R3HDM2: variants seen among roughly 807,000 people sequenced by gnomAD.
R3HDM2 encodes the protein R3H domain-containing protein 2.
A neutral mutation model predicts 124.5 loss-of-function variants in R3HDM2; 38 were observed. The ratio of observed to expected loss-of-function variants is 0.31; its 90% CI spans 0.24 to 0.40. R3HDM2 has a LOEUF of 0.40. Among genes scored for constraint, R3HDM2 ranks in the 10% least tolerant of loss-of-function variants. The probability of loss-of-function intolerance (pLI) is 1.00; values close to 1 mark genes in which losing one functional copy is unlikely to be tolerated. For missense variants in R3HDM2, 869 were observed against 1,236.9 expected (o/e 0.70, Z 4.46); for synonymous variants, 391 against 448.0 (o/e 0.87, Z 1.61).
intron 2 of R3HDM2, among the ~76,000 whole-genome samples, chr12:57,313,587 T>A (rs1258986794): frequency 6.7e-6 from 1 of 148,566 alleles, no homozygotes; most frequent in Non-Finnish European, 1.5e-5. Context: ...ATAATAATAA[T>A]AAATAAATTA....
At chr12:57,348,693 C>CAAAAAAAAAAAAAAAAA (rs1168127324) in intron 2 of R3HDM2, among the ~76,000 whole-genome samples, 4 of 25,146 alleles carry the variant, frequency 1.6e-4, no homozygotes, top group African/African-American at 6.6e-4. Flanking sequence ...GACTCCGTCT[C>CAAAAAAAAAAAAAAAAA]AAAAAAAAAA....
At chr12:57,329,151 G>A (rs1188633867) in intron 2 of R3HDM2, among the ~76,000 whole-genome samples, 1 of 152,106 alleles carries the variant, frequency 6.6e-6, no homozygotes, top group Admixed American at 6.6e-5. Flanking sequence ...GGTAAAATAA[G>A]GGAGAGTTGC....
intron 2 of R3HDM2, among the ~76,000 whole-genome samples, chr12:57,320,296 AC>A (rs2056198578): frequency 6.7e-6 from 1 of 149,006 alleles, no homozygotes; most frequent in East Asian, 2.0e-4. Context: ...AAAGCCTTAA[AC>A]AGCTAAAATA....
chr12:57,340,756 C>T (rs1472805341), intron 2 of R3HDM2, among the ~76,000 whole-genome samples: 1 of 152,150 alleles, frequency 6.6e-6, no homozygotes, highest in Non-Finnish European at 1.5e-5. Flanking sequence ...TACCTAAACA[C>T]ACATTGACAG....
chr12:57,365,275 A>ATT (rs2062505840), intron 2 of R3HDM2, among the ~76,000 whole-genome samples: 1 of 147,674 alleles, frequency 6.8e-6, no homozygotes, highest in Admixed American at 6.7e-5. Flanking sequence ...AAAAAAAAAG[A>ATT]AAAAAAAAAA....
intron 2 of R3HDM2, among the ~76,000 whole-genome samples, chr12:57,386,324 G>A (rs1296023287): frequency 2.6e-5 from 4 of 152,226 alleles, no homozygotes; most frequent in Non-Finnish European, 4.4e-5. Context: ...AGAGGCACGG[G>A]CGGGAACCGA....
chr12:57,312,605 T>G lies in R3HDM2; in HGVS notation c.-35-2142A>C, dbSNP rs563139576. Reference sequence around the variant, plus strand: ...ATAGTTGACGGCCAGGCACAGTGGCTCATACCTGCAATCCCAACACTTTGG... The same window carrying G: ...ATAGTTGACGGCCAGGCACAGTGGCGCATACCTGCAATCCCAACACTTTGG... On this transcript the variant is annotated intron_variant, in intron 2 of 23. Transcript: ENST00000402412. 3.3e-5 allele frequency among the ~76,000 whole-genome samples: 5 copies of G among 152,216 alleles called. No individual in the cohort carries two copies. In the South Asian group the frequency reaches 1.0e-3, roughly 32 times the overall value.
chr12:57,332,957 T>A (rs999152364), intron 2 of R3HDM2, among the ~76,000 whole-genome samples: 1 of 152,206 alleles, frequency 6.6e-6, no homozygotes, highest in Non-Finnish European at 1.5e-5. Flanking sequence ...ATGAGAACAC[T>A]GGGAGAGCAA....
intron 2 of R3HDM2, among the ~76,000 whole-genome samples, chr12:57,386,929 C>G (rs2138546156): frequency 6.6e-6 from 1 of 151,976 alleles, no homozygotes; most frequent in East Asian, 1.9e-4. Context: ...TTATGTCTAG[C>G]TAAGGAGTTG....
chr12:57,272,670 A>G, intron 14 of R3HDM2: 1 of 563,764 alleles, frequency 1.8e-6, no homozygotes, highest in Non-Finnish European at 3.0e-6. Context: ...AAGGAACAAT[A>G]AGGTTAATAA....
intron 2 of R3HDM2, among the ~76,000 whole-genome samples, chr12:57,344,743 G>A (rs1052006433): frequency 6.6e-5 from 10 of 152,076 alleles, no homozygotes; most frequent in African/African-American, 2.4e-4. Context: ...AAGAGTCAAT[G>A]AATTTGAAGT....
At chr12:57,349,647 G>A (rs1285071190) in intron 2 of R3HDM2, among the ~76,000 whole-genome samples, 1 of 149,796 alleles carries the variant, frequency 6.7e-6, no homozygotes, top group Non-Finnish European at 1.5e-5. Flanking sequence ...TATAACCTCC[G>A]CCTCCCGGGT....
At chr12:57,313,241 T>C (rs935269671) in intron 2 of R3HDM2, among the ~76,000 whole-genome samples, 1 of 152,112 alleles carries the variant, frequency 6.6e-6, no homozygotes, top group Non-Finnish European at 1.5e-5. Context: ...TCTCCGTATC[T>C]CTTGGCTAGG....
intron 1 of R3HDM2, among the ~76,000 whole-genome samples, chr12:57,408,169 G>C (rs1387769764): frequency 1.3e-5 from 2 of 152,116 alleles, no homozygotes; most frequent in Non-Finnish European, 2.9e-5. Context: ...AACCTCAAAT[G>C]ATCCTCCCAC....
chr12:57,280,448 C>T lies in R3HDM2; in HGVS notation c.1254G>A (p.Gln418=). The part of the protein sequence containing the change: ...SVRGLLPCTA[Q]QQQQQQQQQL... ...GCTGCTGCTGCTGCTGCTGTTGCTG[C>T]TGGGCAGTACAAGGGAGAAGCCCCC... Residue 418 remains glutamine, a synonymous_variant, in exon 14 of 24, where the codon CAG becomes CAA. Coordinates refer to ENST00000402412, the MANE Select transcript of R3HDM2 (RefSeq NM_001394031.1). 2 of 1,614,118 alleles carry T rather than the reference C, an allele frequency of 1.2e-6. No individual in the cohort carries two copies. The highest frequency in any genetic ancestry group is 8.5e-7 in the Non-Finnish European group (1 of 1,179,978).
Position 57,344,547 on chromosome 12 carries a change from A to C in R3HDM2, c.-35-34084T>G, listed in dbSNP as rs146441654. Among the ~76,000 whole-genome samples the C allele has an allele frequency of 2.1e-3, 314 of 152,388 alleles. 1 individual carries two copies. The highest frequency in any genetic ancestry group is 7.3e-3 in the African/African-American group (303 of 41,600). ...CAAATGTTGAAATTAACAACCTCACATGACAAAAATATTCCAACAAGGTAG... is the reference window on the plus strand; with the variant it reads ...CAAATGTTGAAATTAACAACCTCACCTGACAAAAATATTCCAACAAGGTAG... On this transcript the variant is annotated intron_variant, in intron 2 of 23. Coordinates refer to ENST00000402412, the MANE Select transcript of R3HDM2 (RefSeq NM_001394031.1).
intron 1 of R3HDM2, among the ~76,000 whole-genome samples, chr12:57,403,174 G>A (rs939188950): frequency 6.6e-6 from 1 of 151,904 alleles, no homozygotes; most frequent in Non-Finnish European, 1.5e-5. Flanking sequence ...TGACCAACAT[G>A]GTGAAACCTC....
At chr12:57,389,219 TAAC>T (rs975026482) in intron 2 of R3HDM2, among the ~76,000 whole-genome samples, 1 of 152,124 alleles carries the variant, frequency 6.6e-6, no homozygotes, top group African/African-American at 2.4e-5. Context: ...ATGCAGCAAA[TAAC>T]TACTGAGTAA....
At chr12:57,375,730 C>T (rs1204657715) in intron 2 of R3HDM2, among the ~76,000 whole-genome samples, 1 of 148,532 alleles carries the variant, frequency 6.7e-6, no homozygotes, top group Non-Finnish European at 1.5e-5. Flanking sequence ...TGGAGTGCAG[C>T]GGTGCAATCT....
Sources: allele counts gnomAD v4.1 joint callset (sites outside exome capture counted in the v4.1 genomes callset), GRCh38; gene constraint gnomAD v4.1.1; transcripts MANE v1.5; gene names NCBI Gene and HGNC (gene_info 2026-07-23, HGNC 2026-07-21).